The following CDH18 variants were observed in gnomAD, a reference collection of about 807,000 sequenced individuals.
CDH18 encodes the protein cadherin-18.
CDH18 carries 31 observed loss-of-function variants against 67.9 expected under a neutral mutation model. That is an observed-to-expected ratio of 0.46 (90% CI 0.34 to 0.62). The LOEUF (loss-of-function observed/expected upper bound fraction) is 0.62. Ranked by LOEUF, CDH18 falls within the 20% of genes least tolerant of loss-of-function variation. The pLI is 0.01. For missense variants in CDH18, 890 were observed against 975.5 expected (o/e 0.91, Z 1.17); for synonymous variants, 362 against 347.2 (o/e 1.04, Z -0.48).
At chr5:20,319,434 T>C (rs1275222039) in intron 1 of CDH18, among the ~76,000 whole-genome samples, 1 of 152,342 alleles carries the variant, frequency 6.6e-6, no homozygotes, top group African/African-American at 2.4e-5. Context: ...GACTCTTCCA[T>C]AAGCCTCCCT....
chr5:19,866,548 G>T (rs1234212469), intron 2 of CDH18, among the ~76,000 whole-genome samples: 1 of 152,252 alleles, frequency 6.6e-6, no homozygotes, highest in Non-Finnish European at 1.5e-5. Flanking sequence ...GAACCTATCT[G>T]GTACGAAGTA....
chr5:20,514,100 T>C (rs991302427), intron 1 of CDH18, among the ~76,000 whole-genome samples: 19 of 152,114 alleles, frequency 1.2e-4, no homozygotes, highest in Non-Finnish European at 2.6e-4. Context: ...AATTTTCAGT[T>C]TAAATTATTC....
intron 1 of CDH18, among the ~76,000 whole-genome samples, chr5:20,371,133 G>C (rs572787252): frequency 1.3e-5 from 2 of 152,184 alleles, no homozygotes; most frequent in African/African-American, 4.8e-5. Context: ...GCACTCTGGA[G>C]AGGGGAAGAG....
At chr5:20,271,416 G>A (rs952469186) in intron 1 of CDH18, among the ~76,000 whole-genome samples, 2 of 152,052 alleles carry the variant, frequency 1.3e-5, no homozygotes, top group African/African-American at 4.8e-5. Flanking sequence ...ATATCTAGAA[G>A]AGAGCATTTT....
chr5:20,390,741 T>C (rs1371346841), intron 1 of CDH18, among the ~76,000 whole-genome samples: 1 of 152,156 alleles, frequency 6.6e-6, no homozygotes, highest in East Asian at 1.9e-4. Flanking sequence ...CTAACCCAAA[T>C]GTCCATCAAT....
chr5:20,294,282 A>AT (rs961243786), intron 1 of CDH18, among the ~76,000 whole-genome samples: 2 of 152,150 alleles, frequency 1.3e-5, no homozygotes, highest in African/African-American at 4.8e-5. Context: ...ATTATCAAAT[A>AT]TTTTTTCCAT....
intron 1 of CDH18, among the ~76,000 whole-genome samples, chr5:20,356,779 A>T (rs916838637): frequency 6.7e-6 from 1 of 149,544 alleles, no homozygotes; most frequent in Non-Finnish European, 1.5e-5. Context: ...ATACACATGC[A>T]CACACACATA....
Position 19,787,809 on chromosome 5 carries a change from T to TTATATATATA in CDH18, c.229-40583_229-40574dup, listed in dbSNP as rs35850823. Among the ~76,000 whole-genome samples the TTATATATATA allele has an allele frequency of 5.9e-3, 845 of 144,388 alleles. 6 individuals carry two copies. Among genetic ancestry groups the TTATATATATA allele is most frequent in the African/African-American group, 0.019 (748 of 39,212 alleles). 94.7% of individuals were successfully genotyped at this position (144,388 alleles called of 152,430 possible). On this transcript the variant is annotated intron_variant, in intron 3 of 12. Coordinates refer to ENST00000382275, the MANE Select transcript of CDH18 (RefSeq NM_004934.5). ...TCCAATGAATAGCAGTAATTTACAG[T>TTATATATATA]TATATATATATATATATATGTTTAC...
chr5:19,686,753 T>C (rs1355841753), intron 5 of CDH18, among the ~76,000 whole-genome samples: 1 of 152,162 alleles, frequency 6.6e-6, no homozygotes, highest in Non-Finnish European at 1.5e-5. Flanking sequence ...ATCACTACTT[T>C]TCACAATGTC....
chr5:20,172,248 A>ATG (rs1736892903), intron 2 of CDH18, among the ~76,000 whole-genome samples: 1 of 133,610 alleles, frequency 7.5e-6, no homozygotes, highest in African/African-American at 3.0e-5. Flanking sequence ...ATGTATATAT[A>ATG]TATATATATC....
intron 2 of CDH18, among the ~76,000 whole-genome samples, chr5:19,945,890 C>A (rs1795236100): frequency 6.6e-6 from 1 of 151,914 alleles, no homozygotes; most frequent in Non-Finnish European, 1.5e-5. Flanking sequence ...ACAAAAAGAT[C>A]TAATATTCAT....
At chr5:20,383,806 G>A (rs796664068) in intron 1 of CDH18, among the ~76,000 whole-genome samples, 40 of 152,124 alleles carry the variant, frequency 2.6e-4, no homozygotes, top group African/African-American at 8.7e-4. Context: ...ATAGTAATAC[G>A]AAAATGTATA....
intron 2 of CDH18, among the ~76,000 whole-genome samples, chr5:20,143,690 G>A (rs565263253): frequency 6.6e-6 from 1 of 152,324 alleles, no homozygotes; most frequent in South Asian, 2.1e-4. Flanking sequence ...TCTAAGCAAA[G>A]TGTTGAAGGC....
intron 2 of CDH18, among the ~76,000 whole-genome samples, chr5:20,080,500 G>C (rs1385588458): frequency 6.6e-6 from 1 of 152,156 alleles, no homozygotes; most frequent in Non-Finnish European, 1.5e-5. Flanking sequence ...GATCACAAGA[G>C]TGTAGTGATC....
chr5:20,138,679 TAGAG>T (rs1488133283), intron 2 of CDH18, among the ~76,000 whole-genome samples: 2 of 151,928 alleles, frequency 1.3e-5, no homozygotes, highest in South Asian at 2.1e-4. Context: ...AGCAGACAAA[TAGAG>T]AGCCAAATCA....
At chr5:19,756,965 C>T (rs115536510) in intron 3 of CDH18, among the ~76,000 whole-genome samples, 6,112 of 152,236 alleles carry the variant, frequency 0.04, 391 homozygotes, top group African/African-American at 0.14. Context: ...GATAACTTTG[C>T]CTCAGCCCTG....
chr5:20,353,537 G>A (rs763158455), intron 1 of CDH18, among the ~76,000 whole-genome samples: 3 of 151,944 alleles, frequency 2.0e-5, no homozygotes, highest in African/African-American at 4.8e-5. Flanking sequence ...ATTTACCATC[G>A]TCATTCACCC....
At chr5:19,904,263 C>G (rs1444895584) in intron 2 of CDH18, among the ~76,000 whole-genome samples, 1 of 149,544 alleles carries the variant, frequency 6.7e-6, no homozygotes, top group East Asian at 2.0e-4. Context: ...GACAGTTAGA[C>G]TCTGTCAAAA....
intron 7 of CDH18, among the ~76,000 whole-genome samples, chr5:19,574,332 G>A (rs1408697231): frequency 6.6e-6 from 1 of 152,102 alleles, no homozygotes; most frequent in Non-Finnish European, 1.5e-5. Context: ...ACATTTTGAG[G>A]GACTTCTTTG....
Sources: gnomAD v4.1 joint callset for allele counts (sites outside exome capture counted in the v4.1 genomes callset) on GRCh38, gnomAD v4.1.1 for gene constraint, MANE v1.5 for transcripts, NCBI Gene and HGNC (gene_info 2026-07-23, HGNC 2026-07-21) for gene names.